MYO3B: variants seen among roughly 807,000 people sequenced by gnomAD.
MYO3B encodes myosin IIIB, also known as myosin-IIIb.
MYO3B carries 156 observed loss-of-function variants against 174.6 expected under a neutral mutation model. The observed-to-expected ratio is 0.89, with a 90% CI of 0.78 to 1.02. MYO3B has a LOEUF of 1.02. Among genes scored for constraint, MYO3B ranks in the 50% least tolerant of loss-of-function variants. The probability of loss-of-function intolerance (pLI) is 0.00; values close to 1 mark genes in which losing one functional copy is unlikely to be tolerated. For missense variants in MYO3B, 1,632 were observed against 1,639.4 expected (o/e 1.00, Z 0.08); for synonymous variants, 563 against 569.1 (o/e 0.99, Z 0.15).
intron 32 of MYO3B, among the ~76,000 whole-genome samples, chr2:170,621,666 G>A (rs1213272878): frequency 2.0e-5 from 3 of 151,602 alleles, no homozygotes; most frequent in African/African-American, 2.4e-5. Flanking sequence ...TGCACCACCA[G>A]GCCCAGCTAA....
At chr2:170,299,987 G>A (rs1053926948) in intron 7 of MYO3B, among the ~76,000 whole-genome samples, 1 of 152,236 alleles carries the variant, frequency 6.6e-6, no homozygotes, top group Non-Finnish European at 1.5e-5. Context: ...TCTCGATGGT[G>A]TGCCACTTAA....
At chr2:170,483,860 C>A (rs10166943) in intron 25 of MYO3B, among the ~76,000 whole-genome samples, 1 of 152,184 alleles carries the variant, frequency 6.6e-6, no homozygotes, top group Non-Finnish European at 1.5e-5. Context: ...TCAGTCAAGG[C>A]ATGTTTTCTT....
In MYO3B at chr2:170,207,680, CT is replaced by C. The variant is rs377407475; in HGVS notation, c.322-6689del. ...AGGAAGAGAAAGAAAAAAAAAAAGGCTTTTTTTTTTCTCAAAGGATTAGTCT... is the reference window on the plus strand; with the variant it reads ...AGGAAGAGAAAGAAAAAAAAAAAGGCTTTTTTTTTCTCAAAGGATTAGTCT... On this transcript the variant is annotated intron_variant, in intron 3 of 34. Transcript: ENST00000408978. 2.4e-3 allele frequency among the ~76,000 whole-genome samples: 349 copies of C among 146,818 alleles called. 1 individual carries two copies. Among genetic ancestry groups the C allele is most frequent in the Admixed American group, 6.2e-3 (91 of 14,770 alleles).
intron 8 of MYO3B, among the ~76,000 whole-genome samples, chr2:170,366,300 T>C (rs2094197872): frequency 6.6e-6 from 1 of 152,042 alleles, no homozygotes; most frequent in Admixed American, 6.5e-5. Context: ...TTTTTGTTTG[T>C]TTTTTGTTTT....
intron 8 of MYO3B, among the ~76,000 whole-genome samples, chr2:170,361,063 G>A (rs1160316210): frequency 6.6e-6 from 1 of 152,214 alleles, no homozygotes; most frequent in Admixed American, 6.5e-5. Context: ...CCAATGGACT[G>A]ACTGACTGTA....
At chr2:170,592,478 C>T (rs1693878221) in intron 32 of MYO3B, among the ~76,000 whole-genome samples, 2 of 152,074 alleles carry the variant, frequency 1.3e-5, no homozygotes, top group African/African-American at 2.4e-5. Flanking sequence ...ATGAGAAAAC[C>T]ACAGCTTAGA....
intron 15 of MYO3B, 52 bp from the exon 16 acceptor site, chr2:170,392,329 C>T (rs1024877027): frequency 7.7e-7 from 1 of 1,300,772 alleles, no homozygotes; most frequent in Non-Finnish European, 1.1e-6. Flanking sequence ...AATGCCTGTA[C>T]TACTTTCCAA....
At chr2:170,410,878 T>G (rs2105825352) in intron 22 of MYO3B, among the ~76,000 whole-genome samples, 1 of 152,056 alleles carries the variant, frequency 6.6e-6, no homozygotes, top group Middle Eastern at 3.4e-3. Flanking sequence ...AGAAGACCCC[T>G]TAAAATACAA....
rs191083916 is a variant in MYO3B at position 170,611,011 on chromosome 2, C to T, written c.3734-40617C>T. Reference sequence around the variant, plus strand: ...TTGCAGATCCATGAGACCAGAGGAGCCGTTGAGTCTGTTCTTTTCGGGAAG... The same window carrying T: ...TTGCAGATCCATGAGACCAGAGGAGTCGTTGAGTCTGTTCTTTTCGGGAAG... On this transcript the variant is annotated intron_variant, in intron 32 of 34. Coordinates refer to ENST00000408978, the MANE Select transcript of MYO3B (RefSeq NM_138995.5). Among the ~76,000 whole-genome samples, 1,118 of 152,184 alleles carry T rather than the reference C, an allele frequency of 7.3e-3. 6 individuals carry two copies. Among genetic ancestry groups the T allele is most frequent in the Non-Finnish European group, 0.012 (818 of 68,000 alleles).
intron 25 of MYO3B, among the ~76,000 whole-genome samples, chr2:170,471,392 T>C (rs891208295): frequency 6.6e-6 from 1 of 152,162 alleles, no homozygotes; most frequent in Non-Finnish European, 1.5e-5. Context: ...ACAAAATTTT[T>C]TAATTTTGAT....
intron 22 of MYO3B, among the ~76,000 whole-genome samples, chr2:170,423,786 G>A (rs1231410617): frequency 6.6e-6 from 1 of 151,944 alleles, no homozygotes; most frequent in Non-Finnish European, 1.5e-5. Context: ...TCACCATGTT[G>A]GCGAGGATGG....
At chr2:170,556,137 A>G (rs1017255437) in intron 32 of MYO3B, among the ~76,000 whole-genome samples, 3 of 151,958 alleles carry the variant, frequency 2.0e-5, no homozygotes, top group African/African-American at 7.3e-5. Flanking sequence ...CAGAGGTTGC[A>G]GTGAGCCGAG....
intron 32 of MYO3B, among the ~76,000 whole-genome samples, chr2:170,573,227 G>GTGTATATATATATA (rs1446970724): frequency 0.018 from 837 of 46,324 alleles, 6 homozygotes; most frequent in Non-Finnish European, 0.045. Context: ...TATACTGTGT[G>GTGTATATATATATA]TATATATATA....
chr2:170,440,461 T>C (rs1314908194), intron 22 of MYO3B, among the ~76,000 whole-genome samples: 2 of 152,200 alleles, frequency 1.3e-5, no homozygotes, highest in Non-Finnish European at 2.9e-5. Context: ...CTCCCAGCAA[T>C]GTTTTGTAGT....
At chr2:170,424,357 G>A (rs113595695) in intron 22 of MYO3B, among the ~76,000 whole-genome samples, 340 of 152,286 alleles carry the variant, frequency 2.2e-3, no homozygotes, top group African/African-American at 7.5e-3. Context: ...GGTGGCTCAC[G>A]CCTATAATCC....
At chr2:170,382,171 G>C in intron 10 of MYO3B, 59 bp downstream of exon 10, 1 of 1,405,362 alleles carries the variant, frequency 7.1e-7, no homozygotes, top group Non-Finnish European at 1.0e-6. Flanking sequence ...TGAATGGTCT[G>C]AACTTTCTGT....
At chr2:170,471,609 G>T (rs891154394) in intron 25 of MYO3B, among the ~76,000 whole-genome samples, 1 of 151,982 alleles carries the variant, frequency 6.6e-6, no homozygotes, top group Non-Finnish European at 1.5e-5. Context: ...TCATTCTTTT[G>T]TATGCGGATA....
chr2:170,376,022 T>C (rs1311714105), intron 9 of MYO3B, among the ~76,000 whole-genome samples: 1 of 152,178 alleles, frequency 6.6e-6, no homozygotes, highest in Non-Finnish European at 1.5e-5. Context: ...GTTGGGTATA[T>C]CAAATACTGT....
chr2:170,270,408 A>G (rs1342314487), intron 7 of MYO3B, among the ~76,000 whole-genome samples: 1 of 152,168 alleles, frequency 6.6e-6, no homozygotes, highest in Non-Finnish European at 1.5e-5. Flanking sequence ...TTAAAAAATG[A>G]TAGGGTTTAG....
Sources: allele counts gnomAD v4.1 joint callset (sites outside exome capture counted in the v4.1 genomes callset), GRCh38; gene constraint gnomAD v4.1.1; transcripts MANE v1.5; gene names NCBI Gene and HGNC (gene_info 2026-07-23, HGNC 2026-07-21).